DPYD: variants seen among roughly 807,000 people sequenced by gnomAD.
DPYD encodes the protein dihydropyrimidine dehydrogenase [NADP(+)].
A neutral mutation model predicts 116.2 loss-of-function variants in DPYD; 109 were observed. The ratio of observed to expected loss-of-function variants is 0.94; its 90% CI spans 0.80 to 1.10. The LOEUF is 1.10. Among genes scored for constraint, DPYD ranks in the 50% least tolerant of loss-of-function variants. The pLI is 0.00. For synonymous variants in DPYD, 440 were observed against 432.0 expected, an observed-to-expected ratio of 1.02 and a Z score of -0.23; for missense variants, 1,302 against 1,254.5, an observed-to-expected ratio of 1.04 and a Z score of -0.57.
At chr1:97,652,526 T>C (rs1658646392) in intron 8 of DPYD, among the ~76,000 whole-genome samples, 1 of 152,176 alleles carries the variant, frequency 6.6e-6, no homozygotes, top group Non-Finnish European at 1.5e-5. Flanking sequence ...ATAAACATTA[T>C]GTGAATTTGT....
rs1177418772 is a variant in DPYD, at chr1:97,089,998, G to C, written c.2767-7528C>G. On this transcript the variant is annotated intron_variant, in intron 21 of 22. Coordinates refer to ENST00000370192, the MANE Select transcript of DPYD (RefSeq NM_000110.4). ...AGCAGTTTAATCAGTTGATCCCATTGCTTTTTTATATTCTGTTATTAATAC... is the reference window on the plus strand; with the variant it reads ...AGCAGTTTAATCAGTTGATCCCATTCCTTTTTTATATTCTGTTATTAATAC... 2.6e-5 allele frequency among the ~76,000 whole-genome samples: 4 copies of C among 152,136 alleles called. No homozygotes were observed. The South Asian group carries it at 8.3e-4, about 32-fold the overall frequency.
Position 97,082,275 on chromosome 1 carries a change from G to A in DPYD, c.2907+55C>T, listed in dbSNP as rs290854. ...ATAGCAACAGAAAATGCTTTCTGCC[G>A]TAAAAACAAGAAGAAACATGTCTCA... On this transcript the variant is annotated intron_variant, in intron 22 of 22. Transcript: ENST00000370192. 1,611,491 of 1,611,518 alleles carry A rather than the reference G, an allele frequency of 1. 805,732 individuals carry two copies. Among genetic ancestry groups the A allele is most frequent in the Middle Eastern group, 1 (6,052 of 6,052 alleles).
At chr1:97,375,278 TTTC>T (rs1306279629) in intron 15 of DPYD, among the ~76,000 whole-genome samples, 3 of 152,048 alleles carry the variant, frequency 2.0e-5, no homozygotes, top group Non-Finnish European at 4.4e-5. Context: ...GCAACAGTTG[TTTC>T]TTCTTTCTCT....
chr1:97,391,048 C>CTTT lies in DPYD; in HGVS notation c.1906-8590_1906-8588dup, dbSNP rs571016808. ...TTTGGAGATACCACTTACTTTTCCT[C>CTTT]TTTTTTTTTTTTTTTTTGGTGTTCT... On this transcript the variant is annotated intron_variant, in intron 14 of 22. Coordinates refer to ENST00000370192, the MANE Select transcript of DPYD (RefSeq NM_000110.4). Among the ~76,000 whole-genome samples, 122 of 132,464 alleles carry CTTT rather than the reference C, an allele frequency of 9.2e-4. 1 individual carries two copies. Among genetic ancestry groups the CTTT allele is most frequent in the African/African-American group, 2.7e-3 (98 of 35,944 alleles). 86.9% of individuals were successfully genotyped at this position (132,464 alleles called of 152,430 possible). A position where few individuals can be genotyped will look rare whatever the true frequency, so the allele number is the denominator to read the frequency against.
intron 20 of DPYD, among the ~76,000 whole-genome samples, chr1:97,190,573 T>C (rs1301108998): frequency 6.6e-6 from 1 of 152,190 alleles, no homozygotes; most frequent in Non-Finnish European, 1.5e-5. Context: ...TTGCTCTTCT[T>C]GCAGGCACAG....
At chr1:97,313,400 T>A (rs1224939395) in intron 16 of DPYD, among the ~76,000 whole-genome samples, 1 of 151,750 alleles carries the variant, frequency 6.6e-6, no homozygotes, top group African/African-American at 2.4e-5. Flanking sequence ...TAAAGCAAAA[T>A]ACTTTACAAT....
intron 8 of DPYD, among the ~76,000 whole-genome samples, chr1:97,642,494 G>A (rs1256134134): frequency 6.6e-6 from 1 of 151,954 alleles, no homozygotes; most frequent in Non-Finnish European, 1.5e-5. Context: ...AATGGGGAAA[G>A]GATTCCTTAT....
chr1:97,242,161 T>C (rs1279105145), intron 18 of DPYD, among the ~76,000 whole-genome samples: 3 of 126,408 alleles, frequency 2.4e-5, no homozygotes, highest in African/African-American at 8.7e-5. Flanking sequence ...TATATATATA[T>C]ATATATATAT....
At chr1:97,415,093 G>T (rs190076461) in intron 14 of DPYD, among the ~76,000 whole-genome samples, 4 of 152,062 alleles carry the variant, frequency 2.6e-5, no homozygotes, top group Non-Finnish European at 4.4e-5. Flanking sequence ...CTTTCATTAC[G>T]GGAAAAACAA....
chr1:97,406,834 C>T (rs536202713), intron 14 of DPYD, among the ~76,000 whole-genome samples: 16 of 152,212 alleles, frequency 1.1e-4, no homozygotes, highest in African/African-American at 3.1e-4. Context: ...TTTGAGCTCT[C>T]ATTGAGGCTG....
intron 8 of DPYD, among the ~76,000 whole-genome samples, chr1:97,656,915 G>T: frequency 6.7e-6 from 1 of 148,598 alleles, no homozygotes; most frequent in East Asian, 2.0e-4. Context: ...GAATGAACTT[G>T]GGCTTGATTC....
intron 8 of DPYD, among the ~76,000 whole-genome samples, chr1:97,610,627 T>C (rs947190214): frequency 6.6e-6 from 1 of 152,044 alleles, no homozygotes; most frequent in East Asian, 1.9e-4. Context: ...AGCAAAGCTA[T>C]CTTCGTGGAC....
At position 97,568,699 on chromosome 1, in the gene DPYD, A is replaced by C. The variant is rs544134189; in HGVS notation, c.1339+5061T>G. ...ATAGAATTATTTTTCTAACTTTTAC[A>C]TTTTCGAAGAAAAATAAACCAAGCA... On this transcript the variant is annotated intron_variant, in intron 11 of 22. Coordinates refer to ENST00000370192, the MANE Select transcript of DPYD (RefSeq NM_000110.4). Among the ~76,000 whole-genome samples the C allele has an allele frequency of 3.9e-5, 6 of 152,226 alleles. No homozygotes were observed. In the South Asian group the frequency reaches 1.0e-3, roughly 26 times the overall value.
chr1:97,422,353 G>A (rs140402110), intron 14 of DPYD, among the ~76,000 whole-genome samples: 76 of 152,214 alleles, frequency 5.0e-4, no homozygotes, highest in African/African-American at 1.6e-3. Flanking sequence ...GGAAATGACT[G>A]GAGAAGCCTT....
At chr1:97,442,149 T>A (rs1355496475) in intron 14 of DPYD, among the ~76,000 whole-genome samples, 1 of 152,058 alleles carries the variant, frequency 6.6e-6, no homozygotes, top group East Asian at 1.9e-4. Context: ...TCTGGAATTC[T>A]CTTTATGTAG....
At chr1:97,788,951 G>A (rs866447352) in intron 3 of DPYD, among the ~76,000 whole-genome samples, 29 of 151,974 alleles carry the variant, frequency 1.9e-4, no homozygotes, top group Admixed American at 5.9e-4. Context: ...CTACAGGCAT[G>A]CACCACCATG....
chr1:97,427,469 C>T (rs536410559), intron 14 of DPYD, among the ~76,000 whole-genome samples: 13 of 152,092 alleles, frequency 8.5e-5, no homozygotes, highest in African/African-American at 3.1e-4. Context: ...GAAAACATAA[C>T]CCCAATCCTT....
chr1:97,366,413 T>G (rs554425122), intron 16 of DPYD, among the ~76,000 whole-genome samples: 3 of 152,306 alleles, frequency 2.0e-5, no homozygotes, highest in Admixed American at 6.5e-5. Context: ...TTTTAGTCAC[T>G]TTTGCAGAAG....
chr1:97,859,490 C>T (rs948004036), intron 2 of DPYD, among the ~76,000 whole-genome samples: 4 of 152,114 alleles, frequency 2.6e-5, no homozygotes, highest in Non-Finnish European at 5.9e-5. Context: ...GGGGAGAACG[C>T]TAAGTGAAAA....
Sources: allele counts gnomAD v4.1 joint callset (sites outside exome capture counted in the v4.1 genomes callset), GRCh38; gene constraint gnomAD v4.1.1; transcripts MANE v1.5; gene names NCBI Gene and HGNC (gene_info 2026-07-23, HGNC 2026-07-21).